Variants in MED15 observed in about 807,000 individuals in gnomAD.
MED15 encodes the protein mediator of RNA polymerase II transcription subunit 15.
In MED15, 41 loss-of-function variants were observed where a neutral mutation model predicts 118.7. That is an observed-to-expected ratio of 0.35 (90% CI 0.27 to 0.45). The LOEUF is 0.45. MED15 is among the 20% of genes least tolerant of loss of function. MED15 has a pLI of 1.00. For missense variants in MED15, 740 were observed against 1,025.5 expected (o/e 0.72, Z 3.80); for synonymous variants, 436 against 413.9 (o/e 1.05, Z -0.65).
At chr22:20,533,515 A>T (rs904959483) in intron 1 of MED15, among the ~76,000 whole-genome samples, 1 of 152,158 alleles carries the variant, frequency 6.6e-6, no homozygotes, top group Non-Finnish European at 1.5e-5. Flanking sequence ...ATGCTGTGGG[A>T]GAGATGTGGG....
intron 1 of MED15, among the ~76,000 whole-genome samples, chr22:20,532,881 G>A (rs1333051264): frequency 1.3e-5 from 2 of 152,188 alleles, no homozygotes; most frequent in East Asian, 1.9e-4. Flanking sequence ...GCTTGTGTGG[G>A]GGAAGAGCTC....
chr22:20,520,254 C>T (rs2054399784), intron 1 of MED15, among the ~76,000 whole-genome samples: 2 of 152,214 alleles, frequency 1.3e-5, no homozygotes, highest in Admixed American at 1.3e-4. Flanking sequence ...CACGTGCCCG[C>T]TGCCCTTCTC....
In MED15 at chr22:20,583,733, CCT is replaced by C. The variant is rs1385151141; in HGVS notation, c.1736+341_1736+342del. 3.2e-5 allele frequency: 10 copies of C among 312,214 alleles called. No homozygotes were observed. The Middle Eastern group carries it at 3.1e-3, about 97-fold the overall frequency. The allele number at this position is 312,214 out of a possible 1,614,324, so 19.3% of individuals were successfully genotyped here. A position where few individuals can be genotyped will look rare whatever the true frequency, so the allele number is the denominator to read the frequency against. ...CCTGAGCCTGACCTGGAGTTCTGCC[CCT>C]GACTTGCTGGTGACCATGGGCAGGC... On this transcript the variant is annotated intron_variant, in intron 13 of 17. Coordinates refer to ENST00000263205, the MANE Select transcript of MED15 (RefSeq NM_001003891.3).
In MED15 at chr22:20,575,247, G is replaced by A. The variant is rs1054189913; in HGVS notation, c.1272+15G>A. ...CCATGGCACAGGTATTTACGGGGCA[G>A]CGCCCAGGGCACGGCTGGGAGCTCG... On this transcript the variant is annotated intron_variant, in intron 9 of 17. Transcript: ENST00000263205. 4 of 1,612,122 alleles carry A rather than the reference G, an allele frequency of 2.5e-6. No homozygotes were observed. The African/African-American group carries it at 5.3e-5, about 21-fold the overall frequency.
At chr22:20,564,412 G>A in intron 5 of MED15, 38 bp from the exon 6 acceptor site, 1 of 1,611,178 alleles carries the variant, frequency 6.2e-7, no homozygotes, top group Non-Finnish European at 8.5e-7. Context: ...CTGGGAATCT[G>A]CCCTGTGGAC....
At chr22:20,519,130 G>C (rs978260142) in intron 1 of MED15, 1 of 327,198 alleles carries the variant, frequency 3.1e-6, no homozygotes, top group South Asian at 2.3e-5. Flanking sequence ...TGGGATTACA[G>C]GTGTGAGCCA....
chr22:20,552,386 CACTA>C (rs899426641), intron 3 of MED15, among the ~76,000 whole-genome samples: 2 of 152,226 alleles, frequency 1.3e-5, no homozygotes, highest in African/African-American at 4.8e-5. Context: ...CTTCTTTCCA[CACTA>C]ACTTTTCACC....
intron 2 of MED15, among the ~76,000 whole-genome samples, chr22:20,538,703 T>A (rs868549572): frequency 6.7e-6 from 1 of 149,408 alleles, no homozygotes; most frequent in Non-Finnish European, 1.5e-5. Context: ...GTTTTTTTTG[T>A]TTGTGCGTGT....
chr22:20,518,564 G>T (rs1232163492), intron 1 of MED15, among the ~76,000 whole-genome samples: 2 of 152,192 alleles, frequency 1.3e-5, no homozygotes, highest in Non-Finnish European at 2.9e-5. Context: ...AGTGCATCCT[G>T]ACACGAACTG....
intron 1 of MED15, among the ~76,000 whole-genome samples, chr22:20,535,671 T>C (rs959480825): frequency 4.0e-5 from 6 of 151,420 alleles, no homozygotes; most frequent in Non-Finnish European, 8.8e-5. Context: ...GCCATTCTCC[T>C]GCCTCAGCCT....
intron 1 of MED15, among the ~76,000 whole-genome samples, chr22:20,527,155 G>C (rs2054673778): frequency 6.6e-6 from 1 of 151,886 alleles, no homozygotes; most frequent in African/African-American, 2.4e-5. Context: ...GTTCCTTTGA[G>C]TCATTTCAGG....
At chr22:20,530,771 G>A (rs2054829083) in intron 1 of MED15, among the ~76,000 whole-genome samples, 1 of 152,150 alleles carries the variant, frequency 6.6e-6, no homozygotes, top group South Asian at 2.1e-4. Flanking sequence ...TGCGGGCGGT[G>A]GAGCTGGCCT....
intron 1 of MED15, among the ~76,000 whole-genome samples, chr22:20,525,825 T>G (rs567539979): frequency 1.3e-5 from 2 of 152,242 alleles, no homozygotes; most frequent in South Asian, 4.1e-4. Context: ...TGTGAGCCCC[T>G]GCACCCGGCC....
chr22:20,563,689 G>T (rs557126440), intron 5 of MED15, among the ~76,000 whole-genome samples: 1 of 152,318 alleles, frequency 6.6e-6, no homozygotes, highest in Admixed American at 6.5e-5. Context: ...TAAGTTTGTA[G>T]AATGTTACCA....
Position 20,585,709 on chromosome 22 carries a change from A to C in MED15, c.2132-19A>C. 3 of 1,607,034 alleles carry C rather than the reference A, an allele frequency of 1.9e-6. No individual in the cohort carries two copies. Among genetic ancestry groups the C allele is most frequent in the Non-Finnish European group, 2.6e-6 (3 of 1,174,792 alleles). On this transcript the variant is annotated intron_variant, in intron 16 of 17. Coordinates refer to ENST00000263205, the MANE Select transcript of MED15 (RefSeq NM_001003891.3). Reference sequence around the variant, plus strand: ...GCCGGGGCTTGTCCAGGTCACAGATAGAGCCTTCTGTGTTGCAGATGACAA... The same window carrying C: ...GCCGGGGCTTGTCCAGGTCACAGATCGAGCCTTCTGTGTTGCAGATGACAA...
chr22:20,531,498 C>T (rs934561343), intron 1 of MED15, among the ~76,000 whole-genome samples: 4 of 152,224 alleles, frequency 2.6e-5, no homozygotes, highest in Admixed American at 2.6e-4. Context: ...GAGCCCAGGT[C>T]CCTCCTCCCC....
intron 5 of MED15, 73 bp from the exon 6 acceptor site, chr22:20,564,377 C>T: frequency 6.3e-7 from 1 of 1,580,022 alleles, no homozygotes; most frequent in Non-Finnish European, 8.6e-7. Context: ...TGTTTTGTCC[C>T]TTGCTGTGCA....
intron 1 of MED15, among the ~76,000 whole-genome samples, chr22:20,524,948 A>C (rs549599268): frequency 6.6e-6 from 1 of 152,172 alleles, no homozygotes; most frequent in East Asian, 1.9e-4. Flanking sequence ...TGGGGGTCCA[A>C]ATTGCTAATA....
intron 1 of MED15, among the ~76,000 whole-genome samples, chr22:20,536,810 A>C (rs909677156): frequency 6.6e-6 from 1 of 152,162 alleles, no homozygotes; most frequent in Non-Finnish European, 1.5e-5. Context: ...TTGATCCTGA[A>C]CTGGTTGTGA....
Sources: allele counts gnomAD v4.1 joint callset (sites outside exome capture counted in the v4.1 genomes callset), GRCh38; gene constraint gnomAD v4.1.1; transcripts MANE v1.5; gene names NCBI Gene and HGNC (gene_info 2026-07-23, HGNC 2026-07-21).